The following TENM3 variants were observed in gnomAD, a reference collection of about 807,000 sequenced individuals.
TENM3 encodes the protein teneurin transmembrane protein 3, also known as teneurin-3.
Under a neutral mutation model 255.1 loss-of-function variants are expected in TENM3, and 63 were observed. That is an observed-to-expected ratio of 0.25 (90% CI 0.20 to 0.30). The LOEUF (loss-of-function observed/expected upper bound fraction) is 0.30. TENM3 is among the 10% of genes least tolerant of loss of function. TENM3 has a pLI of 1.00. For synonymous variants in TENM3, 1,306 were observed against 1,322.3 expected (o/e 0.99, Z 0.27); for missense variants, 2,929 against 3,461.1 (o/e 0.85, Z 3.86).
chr4:181,601,877 C>T, the TENM3 span, among the ~76,000 whole-genome samples: 2 of 152,250 alleles, frequency 1.3e-5, no homozygotes, highest in South Asian at 2.1e-4. Context: ...CCATAACACA[C>T]AGCATGCCTT....
At chr4:181,605,584 G>GAAAGAAAGATAGAAA in the TENM3 span, among the ~76,000 whole-genome samples, 4 of 69,142 alleles carry the variant, frequency 5.8e-5, 1 homozygote, top group Non-Finnish European at 1.2e-4. Flanking sequence ...GAGAAAGAAA[G>GAAAGAAAGATAGAAA]GAAAGAAAGA....
chr4:181,538,555 A>G, the TENM3 span, among the ~76,000 whole-genome samples: 2 of 152,042 alleles, frequency 1.3e-5, no homozygotes, highest in South Asian at 4.1e-4. Context: ...TCAGGGAACT[A>G]TGGGAAGCAT....
At chr4:182,592,570 A>C (rs1208595862) in intron 3 of TENM3, among the ~76,000 whole-genome samples, 1 of 152,190 alleles carries the variant, frequency 6.6e-6, no homozygotes, top group Non-Finnish European at 1.5e-5. Context: ...CTAAAAATAT[A>C]AAAAATTCAC....
At chr4:182,640,491 T>C (rs1752206047) in intron 5 of TENM3, among the ~76,000 whole-genome samples, 1 of 152,230 alleles carries the variant, frequency 6.6e-6, no homozygotes, top group African/African-American at 2.4e-5. Context: ...AACTATATTG[T>C]TTCAGTCATT....
At chr4:182,284,372 G>T (rs1172312382) in intron 1 of TENM3, among the ~76,000 whole-genome samples, 2 of 152,130 alleles carry the variant, frequency 1.3e-5, no homozygotes, top group African/African-American at 2.4e-5. Context: ...TATAATTTTG[G>T]TTTTTTAAAA....
At chr4:181,820,486 A>AACACACACACACACAC in the TENM3 span, among the ~76,000 whole-genome samples, 2 of 148,080 alleles carry the variant, frequency 1.4e-5, no homozygotes, top group African/African-American at 5.0e-5. Context: ...ATTTTCTTTA[A>AACACACACACACACAC]ACACACACAC....
At chr4:182,198,183 C>T (rs1267434139) in intron 1 of TENM3, among the ~76,000 whole-genome samples, 5 of 151,944 alleles carry the variant, frequency 3.3e-5, no homozygotes, top group African/African-American at 1.2e-4. Context: ...GCTTCTGACC[C>T]TGGGCCGTTT....
At chr4:182,749,306 T>TA (rs1283107001) in intron 19 of TENM3, among the ~76,000 whole-genome samples, 1 of 152,130 alleles carries the variant, frequency 6.6e-6, no homozygotes, top group Non-Finnish European at 1.5e-5. Flanking sequence ...ACAGCAGAAG[T>TA]AAAAAAACAA....
At chr4:181,928,798 C>A in the TENM3 span, among the ~76,000 whole-genome samples, 5 of 152,126 alleles carry the variant, frequency 3.3e-5, no homozygotes. Flanking sequence ...GGGTTACCCA[C>A]AAAGGAAAGC....
the TENM3 span, among the ~76,000 whole-genome samples, chr4:182,028,890 T>C: frequency 2.0e-5 from 3 of 152,192 alleles, no homozygotes; most frequent in Non-Finnish European, 4.4e-5. Context: ...GAAAGATCCA[T>C]GTGCTGAGGA....
At chr4:181,705,245 G>A in the TENM3 span, among the ~76,000 whole-genome samples, 3 of 152,134 alleles carry the variant, frequency 2.0e-5, no homozygotes, top group Admixed American at 6.5e-5. Flanking sequence ...CTGAAACCGC[G>A]GAGGAGGTTA....
chr4:182,017,375 T>C, the TENM3 span, among the ~76,000 whole-genome samples: 3 of 152,260 alleles, frequency 2.0e-5, no homozygotes, highest in Non-Finnish European at 4.4e-5. Flanking sequence ...GGCTTGCTTG[T>C]GTGCATAACA....
the TENM3 span, among the ~76,000 whole-genome samples, chr4:181,634,297 C>G: frequency 6.6e-6 from 1 of 151,164 alleles, no homozygotes; most frequent in Non-Finnish European, 1.5e-5. Context: ...ATGTGGCATT[C>G]TTTCTTCAAT....
chr4:182,679,068 G>A (rs1190195214), intron 7 of TENM3, among the ~76,000 whole-genome samples: 2 of 152,102 alleles, frequency 1.3e-5, no homozygotes, highest in Non-Finnish European at 2.9e-5. Flanking sequence ...AGGGTGTCAG[G>A]GGCTAGGGGA....
chr4:182,063,125 CA>C, the TENM3 span, among the ~76,000 whole-genome samples: 2 of 152,206 alleles, frequency 1.3e-5, no homozygotes, highest in Non-Finnish European at 2.9e-5. Flanking sequence ...CTGATTCATT[CA>C]TTTTCAATAA....
intron 12 of TENM3, among the ~76,000 whole-genome samples, chr4:182,701,512 A>G (rs13150355): frequency 0.28 from 41,893 of 151,554 alleles, 6,239 homozygotes; most frequent in Non-Finnish European, 0.34. Flanking sequence ...GAGCCACTGC[A>G]CCTGGCCCCA....
intron 1 of TENM3, among the ~76,000 whole-genome samples, chr4:182,191,734 A>G (rs950265942): frequency 1.5e-4 from 23 of 152,178 alleles, no homozygotes; most frequent in African/African-American, 5.5e-4. Context: ...AGCATGTATC[A>G]GGGACTCTGC....
intron 3 of TENM3, among the ~76,000 whole-genome samples, chr4:182,392,842 G>C (rs1457438066): frequency 1.3e-5 from 2 of 152,166 alleles, no homozygotes; most frequent in Admixed American, 1.3e-4. Context: ...AGGAGAAGCT[G>C]TCTGAGCTAT....
At chr4:182,660,953 C>T (rs950433938) in intron 6 of TENM3, among the ~76,000 whole-genome samples, 4 of 152,140 alleles carry the variant, frequency 2.6e-5, no homozygotes, top group Admixed American at 1.3e-4. Context: ...ACCAGCTTGA[C>T]TTCTAAAGGG....
Sources: gnomAD v4.1 joint callset for allele counts (sites outside exome capture counted in the v4.1 genomes callset) on GRCh38, gnomAD v4.1.1 for gene constraint, MANE v1.5 for transcripts, NCBI Gene and HGNC (gene_info 2026-07-23, HGNC 2026-07-21) for gene names.